The following ANKRD30B variants were observed in gnomAD, a reference collection of about 807,000 sequenced individuals.
ANKRD30B encodes ankyrin repeat domain-containing protein 30B.
ANKRD30B carries 144 observed loss-of-function variants against 202.2 expected under a neutral mutation model. The ratio of observed to expected loss-of-function variants is 0.71; its 90% CI spans 0.62 to 0.82. The LOEUF (loss-of-function observed/expected upper bound fraction) is 0.82, where lower values mean the gene tolerates loss of function less well. Ranked by LOEUF, ANKRD30B falls within the 40% of genes least tolerant of loss-of-function variation. ANKRD30B has a pLI of 0.00. For missense variants in ANKRD30B, 1,487 were observed against 1,669.1 expected (o/e 0.89, Z 1.90); for synonymous variants, 508 against 561.3 (o/e 0.91, Z 1.34).
the ANKRD30B span, among the ~76,000 whole-genome samples, chr18:14,897,463 G>A: frequency 1.3e-5 from 2 of 152,084 alleles, no homozygotes; most frequent in Non-Finnish European, 2.9e-5. Flanking sequence ...TTACAGGTAT[G>A]AGCCACCATG....
At chr18:14,871,163 C>T in the ANKRD30B span, among the ~76,000 whole-genome samples, 2 of 127,310 alleles carry the variant, frequency 1.6e-5, no homozygotes, top group East Asian at 2.2e-4. Flanking sequence ...ACACCCCTAC[C>T]CACACCGGCA....
At chr18:14,897,360 TA>T in the ANKRD30B span, among the ~76,000 whole-genome samples, 29 of 152,168 alleles carry the variant, frequency 1.9e-4, no homozygotes, top group Admixed American at 1.8e-3. Flanking sequence ...TTTGTAATTT[TA>T]GTAGAGACCC....
chr18:14,874,293 C>T, the ANKRD30B span, among the ~76,000 whole-genome samples: 4 of 152,174 alleles, frequency 2.6e-5, no homozygotes, highest in Non-Finnish European at 1.5e-5. Flanking sequence ...AAGTCACCCA[C>T]ATTTCACGTT....
chr18:14,909,405 G>A, the ANKRD30B span, among the ~76,000 whole-genome samples: 2 of 152,186 alleles, frequency 1.3e-5, no homozygotes, highest in African/African-American at 4.8e-5. Flanking sequence ...TAATAAGGAA[G>A]GCGCTATTTG....
chr18:14,858,677 T>A (rs1598730830), downstream of ANKRD30B, among the ~76,000 whole-genome samples: 4 of 138,218 alleles, frequency 2.9e-5, no homozygotes, highest in African/African-American at 1.1e-4. Flanking sequence ...ACTCCTCACA[T>A]CCCAGACGAT....
At chr18:14,921,850 G>C in the ANKRD30B span, among the ~76,000 whole-genome samples, 79,460 of 151,604 alleles carry the variant, frequency 0.52, 21,116 homozygotes, top group African/African-American at 0.6. Flanking sequence ...ATTGTTTTCC[G>C]ATGCATAAAT....
chr18:14,850,123 G>A (rs890582565), intron 40 of ANKRD30B, 91 bp from the exon 41 acceptor site: 5 of 909,952 alleles, frequency 5.5e-6, no homozygotes, highest in African/African-American at 1.8e-5. Context: ...AATTTTATTG[G>A]AATAATAAAC....
rs556647306 is a variant in ANKRD30B at position 14,796,203 on chromosome 18, A to C, written c.1826-18A>C. On this transcript the variant is annotated intron_variant, in intron 16 of 43. Transcript: ENST00000690538. The stretch of plus-strand genomic sequence containing the variant: ...CAGGCTTGCATATAATCAATTATAT[A>C]TGTCCCTTTACGTTTAGAGTCTCCT... 2.5e-6 allele frequency: 4 copies of C among 1,585,322 alleles called. No individual in the cohort carries two copies. In the East Asian group the frequency reaches 9.0e-5, roughly 36 times the overall value.
chr18:14,758,042 C>G (rs866404124), intron 5 of ANKRD30B, 90 bp downstream of exon 5: 109 of 1,419,336 alleles, frequency 7.7e-5, no homozygotes, highest in Middle Eastern at 5.0e-4. Context: ...CTTCATCAGC[C>G]AGAAACTAGG....
At chr18:14,939,138 C>T in the ANKRD30B span, among the ~76,000 whole-genome samples, 320 of 152,356 alleles carry the variant, frequency 2.1e-3, 1 homozygote, top group South Asian at 0.024. Context: ...CAGGTTGGTT[C>T]TGTGCTTTGC....
the ANKRD30B span, among the ~76,000 whole-genome samples, chr18:14,940,910 T>G: frequency 6.6e-6 from 1 of 152,154 alleles, no homozygotes; most frequent in Non-Finnish European, 1.5e-5. Flanking sequence ...CCAGCCCTAG[T>G]GAGAGGCCCC....
the ANKRD30B span, among the ~76,000 whole-genome samples, chr18:14,935,731 G>A: frequency 3.3e-5 from 5 of 152,216 alleles, no homozygotes; most frequent in South Asian, 2.1e-4. Flanking sequence ...GCATGCACAC[G>A]TGTATGTGTG....
chr18:14,890,182 C>A, the ANKRD30B span: 11 of 621,938 alleles, frequency 1.8e-5, no homozygotes, highest in African/African-American at 3.9e-5. Context: ...CTGTTTTAAT[C>A]GGAAGTTTTT....
chr18:14,872,585 T>C, the ANKRD30B span, among the ~76,000 whole-genome samples: 24 of 152,090 alleles, frequency 1.6e-4, no homozygotes, highest in African/African-American at 5.8e-4. Flanking sequence ...TCCTGCTTGG[T>C]TCTCTTTTCT....
the ANKRD30B span, among the ~76,000 whole-genome samples, chr18:14,925,798 C>T: frequency 3.5e-4 from 53 of 152,204 alleles, no homozygotes; most frequent in Middle Eastern, 6.8e-3. Context: ...AGCCAGGCCC[C>T]GGACCCAGAG....
At chr18:14,925,991 G>C in the ANKRD30B span, among the ~76,000 whole-genome samples, 1 of 152,168 alleles carries the variant, frequency 6.6e-6, no homozygotes, top group South Asian at 2.1e-4. Flanking sequence ...TATAAATTTT[G>C]GGTTTTCAGA....
At chr18:14,826,678 CT>C (rs71367972) in intron 32 of ANKRD30B, among the ~76,000 whole-genome samples, 13 of 80,934 alleles carry the variant, frequency 1.6e-4, no homozygotes, top group Non-Finnish European at 2.6e-4. Context: ...CTCTCTCCCC[CT>C]CTCTCTCTCT....
chr18:14,767,767 A>T (rs1916481663), intron 7 of ANKRD30B, among the ~76,000 whole-genome samples: 1 of 152,280 alleles, frequency 6.6e-6, no homozygotes, highest in Non-Finnish European at 1.5e-5. Flanking sequence ...ATGGAAAATG[A>T]TGTCTTTATA....
intron 28 of ANKRD30B, among the ~76,000 whole-genome samples, chr18:14,810,448 G>A (rs1364085161): frequency 6.6e-5 from 10 of 151,026 alleles, no homozygotes; most frequent in South Asian, 6.3e-4. Flanking sequence ...ATTTCTGTAC[G>A]TGCTCAGTTT....
Sources: allele counts gnomAD v4.1 joint callset (sites outside exome capture counted in the v4.1 genomes callset), GRCh38; gene constraint gnomAD v4.1.1; transcripts MANE v1.5; gene names NCBI Gene and HGNC (gene_info 2026-07-23, HGNC 2026-07-21).